The following JCAD variants were observed in gnomAD, a reference collection of about 807,000 sequenced individuals.
JCAD encodes junctional cadherin 5-associated protein.
In JCAD, 40 loss-of-function variants were observed where a neutral mutation model predicts 98.0. The ratio of observed to expected loss-of-function variants is 0.41; its 90% CI spans 0.32 to 0.53. JCAD has a LOEUF of 0.53. JCAD is among the 20% of genes least tolerant of loss of function. The probability of loss-of-function intolerance (pLI) is 0.31; values close to 1 mark genes in which losing one functional copy is unlikely to be tolerated. For missense variants in JCAD, 1,705 were observed against 1,738.1 expected (o/e 0.98, Z 0.34); for synonymous variants, 691 against 682.3 (o/e 1.01, Z -0.20).
upstream of JCAD, among the ~76,000 whole-genome samples, chr10:30,060,654 G>C (rs935269004): frequency 1.3e-5 from 2 of 152,064 alleles, no homozygotes; most frequent in Non-Finnish European, 2.9e-5. Context: ...ATGATTTTAG[G>C]ACTGTATTTG....
At chr10:30,090,422 A>G (rs1360711808) in intron 1 of JCAD, among the ~76,000 whole-genome samples, 1 of 152,030 alleles carries the variant, frequency 6.6e-6, no homozygotes, top group Non-Finnish European at 1.5e-5. Flanking sequence ...GGTGCCTGTG[A>G]TCCCAGCTAC....
In JCAD at chr10:30,047,723, G is replaced by GC; in HGVS notation, c.89dup (p.Gln31ProfsTer18). ...CTCGTGTCCCAGTCCTCGCTGCCTG[G>GC]CGCCCCTTGGGGTTATCCTCGCGTG... On this transcript the variant is annotated frameshift_variant, in exon 2 of 4. Coordinates refer to ENST00000375377, the MANE Select transcript of JCAD (RefSeq NM_020848.4). LOFTEE classifies it high-confidence loss of function. The GC allele has an allele frequency of 6.2e-7, 1 of 1,614,218 alleles. No homozygotes were observed. Among genetic ancestry groups the GC allele is most frequent in the Non-Finnish European group, 8.5e-7 (1 of 1,180,040 alleles).
At chr10:30,089,798 G>A (rs750304591) in intron 1 of JCAD, among the ~76,000 whole-genome samples, 7 of 152,220 alleles carry the variant, frequency 4.6e-5, no homozygotes, top group Non-Finnish European at 8.8e-5. Context: ...AGGCTTTTCT[G>A]TATTTTAAGG....
chr10:30,075,183 T>A (rs1025653265), intron 1 of JCAD, among the ~76,000 whole-genome samples: 1 of 152,218 alleles, frequency 6.6e-6, no homozygotes, highest in Non-Finnish European at 1.5e-5. Context: ...CTTATTCTTC[T>A]ATGAAGGAAA....
chr10:30,022,817 A>G (rs536578678), intron 3 of JCAD, among the ~76,000 whole-genome samples: 75 of 152,314 alleles, frequency 4.9e-4, no homozygotes, highest in African/African-American at 1.7e-3. Flanking sequence ...GTCATAGTGC[A>G]ATCAATTTTT....
upstream of JCAD, among the ~76,000 whole-genome samples, chr10:30,063,722 G>A (rs1589701837): frequency 6.6e-6 from 1 of 152,244 alleles, no homozygotes; most frequent in East Asian, 1.9e-4. Flanking sequence ...AGGGTGTTTA[G>A]CATATCCATC....
intron 1 of JCAD, among the ~76,000 whole-genome samples, chr10:30,057,058 T>G (rs975784045): frequency 2.0e-5 from 3 of 152,204 alleles, no homozygotes; most frequent in Non-Finnish European, 2.9e-5. Flanking sequence ...ACTGCAGTAA[T>G]GGGTTCAGCA....
chr10:30,013,491 C>T lies in JCAD; in HGVS notation c.*4392G>A, dbSNP rs1328499080. On this transcript the variant is annotated 3_prime_UTR_variant, in exon 4 of 4. Coordinates refer to ENST00000375377, the MANE Select transcript of JCAD (RefSeq NM_020848.4). ...TATAATCTGGAAATGACTGCTTTTC[C>T]CCTTGCTGGGACATATGGTTTTCAT... 1.3e-5 allele frequency: 2 copies of T among 152,104 alleles called. No individual in the cohort carries two copies. The highest frequency in any genetic ancestry group is 2.1e-4 in the South Asian group (1 of 4,824). The allele number at this position is 152,104 out of a possible 1,614,324, so 9.4% of individuals were successfully genotyped here.
intron 1 of JCAD, among the ~76,000 whole-genome samples, chr10:30,086,623 C>T (rs1165711004): frequency 2.0e-5 from 3 of 152,176 alleles, no homozygotes; most frequent in Non-Finnish European, 4.4e-5. Flanking sequence ...TTGTTCAATG[C>T]TTTGTTCCAA....
At chr10:30,061,481 G>A (rs1048926952), upstream of JCAD, among the ~76,000 whole-genome samples, 11 of 151,696 alleles carry the variant, frequency 7.3e-5, no homozygotes, top group African/African-American at 2.2e-4. Flanking sequence ...GGTGGAGGTT[G>A]CAGTGAGCCA....
intron 1 of JCAD, among the ~76,000 whole-genome samples, chr10:30,088,390 C>T (rs568081909): frequency 3.9e-5 from 6 of 152,224 alleles, no homozygotes; most frequent in Admixed American, 3.3e-4. Context: ...CTGATGGTCT[C>T]AGCCAAAGCT....
At chr10:30,048,691 G>T (rs556999352) in intron 1 of JCAD, among the ~76,000 whole-genome samples, 1 of 151,864 alleles carries the variant, frequency 6.6e-6, no homozygotes, top group Non-Finnish European at 1.5e-5. Context: ...TCAGCCTCTC[G>T]AGTTGCTGGG....
chr10:30,103,939 T>C (rs1838516707), intron 1 of JCAD, among the ~76,000 whole-genome samples: 1 of 152,068 alleles, frequency 6.6e-6, no homozygotes, highest in African/African-American at 2.4e-5. Flanking sequence ...ACACAGGAAA[T>C]GCAGTTCAAT....
At chr10:30,023,224 G>C (rs935247724) in intron 3 of JCAD, among the ~76,000 whole-genome samples, 1 of 151,986 alleles carries the variant, frequency 6.6e-6, no homozygotes, top group Non-Finnish European at 1.5e-5. Context: ...TTTTAGTAGA[G>C]ACAGGTTTTC....
intron 1 of JCAD, among the ~76,000 whole-genome samples, chr10:30,100,317 A>G (rs1838448277): frequency 6.6e-6 from 1 of 152,138 alleles, no homozygotes; most frequent in African/African-American, 2.4e-5. Flanking sequence ...ACTCTAAAAT[A>G]TTTGAAGAGA....
chr10:30,027,889 G>C lies in JCAD; in HGVS notation c.2259C>G (p.His753Gln). ...QRPSARNLKGHRSLSPSSNSA... is the reference protein window; with the variant it reads ...QRPSARNLKGQRSLSPSSNSA... The stretch of plus-strand genomic sequence containing the variant: ...TGTTGCTGGATGGGCTGAGGGACCT[G>C]TGACCTTTCAGGTTACGGGCACTTG... The change falls in exon 3 of 4, where the codon CAC becomes CAG. Residue 753 changes from histidine to glutamine, a missense_variant. Physicochemically the swap from His to Gln is conservative, Grantham distance 24 (BLOSUM62 0). Coordinates refer to ENST00000375377, the MANE Select transcript of JCAD (RefSeq NM_020848.4). The C allele has an allele frequency of 1.2e-6, 2 of 1,614,240 alleles. No homozygotes were observed. Among genetic ancestry groups the C allele is most frequent in the Non-Finnish European group, 1.7e-6 (2 of 1,180,032 alleles).
rs531619232 is a variant in JCAD at position 30,066,927 on chromosome 10, G to A, written n.250+2773C>T. On this transcript the variant is annotated intron_variant and non_coding_transcript_variant, in intron 2 of 2. Coordinates refer to the JCAD transcript ENST00000465712. ...TACAAGAATCACTTGAACCCAGGGG[G>A]CACAGGTTGCAGTGAGCCAAGATGG... Among the ~76,000 whole-genome samples the A allele has an allele frequency of 1.3e-4, 20 of 152,194 alleles. 3 individuals are homozygous for A. In the South Asian group the frequency reaches 4.2e-3, roughly 32 times the overall value.
chr10:30,027,202 T>G lies in JCAD; in HGVS notation c.2946A>C (p.Ser982=), dbSNP rs1407828049. The part of the protein sequence containing the change: ...PFPVTRMSSR[S]SDAKPLPASY... Reference sequence around the variant, plus strand: ...ACGCGGGCAGTGGTTTTGCGTCACTTGATCTTGAAGACATTCTCGTCACAG... The same window carrying G: ...ACGCGGGCAGTGGTTTTGCGTCACTGGATCTTGAAGACATTCTCGTCACAG... The change falls in exon 3 of 4, where the codon TCA becomes TCC. Residue 982 remains serine (S), a synonymous_variant. Transcript: ENST00000375377. The G allele has an allele frequency of 6.2e-7, 1 of 1,614,186 alleles. No individual in the cohort carries two copies. The highest frequency in any genetic ancestry group is 8.5e-7 in the Non-Finnish European group (1 of 1,180,022).
At chr10:30,092,046 A>C (rs1431642743) in intron 1 of JCAD, among the ~76,000 whole-genome samples, 2 of 38,634 alleles carry the variant, frequency 5.2e-5, no homozygotes, top group African/African-American at 3.9e-4. Flanking sequence ...AAAAAAAAAA[A>C]AAAAAAAAAA....
Sources: gnomAD v4.1 joint callset for allele counts (sites outside exome capture counted in the v4.1 genomes callset) on GRCh38, gnomAD v4.1.1 for gene constraint, MANE v1.5 for transcripts, NCBI Gene and HGNC (gene_info 2026-07-23, HGNC 2026-07-21) for gene names.